TECPR2: variants seen among roughly 807,000 people sequenced by gnomAD.
TECPR2 encodes tectonin beta-propeller repeat containing 2, also known as tectonin beta-propeller repeat-containing protein 2.
TECPR2 carries 65 observed loss-of-function variants against 138.1 expected under a neutral mutation model. That is an observed-to-expected ratio of 0.47 (90% CI 0.39 to 0.58). TECPR2 has a LOEUF of 0.58. Among genes scored for constraint, TECPR2 ranks in the 20% least tolerant of loss-of-function variants. The probability of loss-of-function intolerance (pLI) is 0.00; values close to 1 mark genes in which losing one functional copy is unlikely to be tolerated. For synonymous variants in TECPR2, 746 were observed against 749.8 expected, an observed-to-expected ratio of 0.99 and a Z score of 0.08; for missense variants, 1,553 against 1,824.5, an observed-to-expected ratio of 0.85 and a Z score of 2.71.
In TECPR2 at chr14:102,434,584, G is replaced by A. The variant is rs1004437855; in HGVS notation, c.1767G>A (p.Val589=). ...RELLNGARED[V]GGSDVTGLGD... ...TGCTCAATGGAGCGAGGGAAGATGT[G>A]GGAGGCAGTGATGTCACGGGACTCG... The change falls in exon 9 of 20, where the codon GTG becomes GTA. Residue 589 remains valine (V), a synonymous_variant. Coordinates refer to ENST00000359520, the MANE Select transcript of TECPR2 (RefSeq NM_014844.5). 1 of 1,562,206 alleles carries A rather than the reference G, an allele frequency of 6.4e-7. No individual in the cohort carries two copies.
chr14:102,410,283 G>T lies in TECPR2; in HGVS notation c.480+1664G>T, dbSNP rs1442520941. The stretch of plus-strand genomic sequence containing the variant: ...TATCTGGCTTAATAGAAGATGGCTG[G>T]ATTCTCCCTAATCTCAAGTAATCAG... On this transcript the variant is annotated intron_variant, in intron 4 of 19. Transcript: ENST00000359520. Among the ~76,000 whole-genome samples the T allele has an allele frequency of 2.0e-5, 3 of 149,968 alleles. No homozygotes were observed. The Admixed American group carries it at 2.0e-4, about 10-fold the overall frequency.
At chr14:102,462,693 C>T (rs1890436659) in intron 16 of TECPR2, among the ~76,000 whole-genome samples, 1 of 152,202 alleles carries the variant, frequency 6.6e-6, no homozygotes, top group Admixed American at 6.5e-5. Flanking sequence ...GAGCTGCACA[C>T]CTTTTATTCC....
chr14:102,428,247 CA>C lies in TECPR2; in HGVS notation c.952-2del. ...GTTTTTTTTTTTTTTTTTTTTTTGA[CA>C]GGCCACAGTTGCTGGTTTGGAAGGA... On this transcript the variant is annotated splice_acceptor_variant, in intron 6 of 19. Transcript: ENST00000359520. LOFTEE classifies it high-confidence loss of function. The C allele has an allele frequency of 1.8e-6, 2 of 1,112,842 alleles. No homozygotes were observed. The highest frequency in any genetic ancestry group is 2.3e-6 in the Non-Finnish European group (2 of 854,064). 68.9% of individuals were successfully genotyped at this position (1,112,842 alleles called of 1,614,324 possible). A position where few individuals can be genotyped will look rare whatever the true frequency, so the allele number is the denominator to read the frequency against.
At chr14:102,453,729 G>GT (rs1024604032) in intron 16 of TECPR2, among the ~76,000 whole-genome samples, 4 of 143,806 alleles carry the variant, frequency 2.8e-5, no homozygotes, top group African/African-American at 5.2e-5. Flanking sequence ...AGGCTTCCCA[G>GT]TTTTTTTAAC....
chr14:102,417,053 G>A (rs1199288991), intron 5 of TECPR2, among the ~76,000 whole-genome samples: 2 of 152,302 alleles, frequency 1.3e-5, no homozygotes, highest in East Asian at 3.9e-4. Context: ...GACCCAGGCA[G>A]TTTCTGTAAA....
In TECPR2 at chr14:102,465,156, C is replaced by G; in HGVS notation, c.3656C>G (p.Thr1219Arg). ...TTATCTACAGGAGCTGTAAAATTGA[C>G]AAGCTTGGCATGTGGAAATCAGCAC... ...DLSQLGAVKL[T>R]SLACGNQHIW... is the part of the protein sequence containing the mutation. Residue 1219 changes from threonine (T) to arginine (R), a missense_variant, in exon 17 of 20, where the codon ACA (threonine) becomes AGA (arginine). Thr to Arg is a moderately conservative substitution (Grantham distance 71). Coordinates refer to ENST00000359520, the MANE Select transcript of TECPR2 (RefSeq NM_014844.5). 1.9e-6 allele frequency: 3 copies of G among 1,614,160 alleles called. No homozygotes were observed. Among genetic ancestry groups the G allele is most frequent in the Admixed American group, 1.7e-5 (1 of 60,006 alleles).
chr14:102,400,292 G>A (rs866802997), intron 2 of TECPR2, among the ~76,000 whole-genome samples: 6 of 152,076 alleles, frequency 3.9e-5, no homozygotes, highest in East Asian at 3.9e-4. Context: ...TGATCTGCCC[G>A]CCTTGGCCTC....
chr14:102,369,962 T>G (rs1319466771), intron 1 of TECPR2, among the ~76,000 whole-genome samples: 1 of 151,530 alleles, frequency 6.6e-6, no homozygotes, highest in Non-Finnish European at 1.5e-5. Flanking sequence ...CTCAAAAAAA[T>G]AAATAAACAA....
At chr14:102,367,389 C>T (rs375165347) in intron 1 of TECPR2, among the ~76,000 whole-genome samples, 12 of 152,262 alleles carry the variant, frequency 7.9e-5, no homozygotes, top group African/African-American at 2.6e-4. Context: ...AAGGAAACTC[C>T]GTACCCTTCA....
At chr14:102,387,075 A>G (rs1183398211) in intron 2 of TECPR2, among the ~76,000 whole-genome samples, 1 of 152,216 alleles carries the variant, frequency 6.6e-6, no homozygotes, top group Non-Finnish European at 1.5e-5. Context: ...TAGTTTAGGG[A>G]AAATCTAAGA....
chr14:102,401,193 C>T (rs556660858), intron 2 of TECPR2, among the ~76,000 whole-genome samples: 1 of 151,996 alleles, frequency 6.6e-6, no homozygotes, highest in African/African-American at 2.4e-5. Flanking sequence ...AATCCCAGCA[C>T]TTTGGGAGGC....
At position 102,499,171 on chromosome 14, in the gene TECPR2, G is replaced by C. The variant is rs1160785164; in HGVS notation, c.*914G>C. On this transcript the variant is annotated 3_prime_UTR_variant, in exon 20 of 20. Transcript: ENST00000359520. ...ATGTGTGCACGTGTGTCCCAGGTAG[G>C]GACGGCACAGGAGGGTGCATGGGGC... 1.4e-6 allele frequency: 1 copy of C among 702,948 alleles called. No homozygotes were observed. Among genetic ancestry groups the C allele is most frequent in the Non-Finnish European group, 2.6e-6 (1 of 385,000 alleles). The allele number at this position is 702,948 out of a possible 1,614,324, so 43.5% of individuals were successfully genotyped here.
chr14:102,490,862 A>T (rs1298701983), intron 17 of TECPR2, among the ~76,000 whole-genome samples: 1 of 152,058 alleles, frequency 6.6e-6, no homozygotes, highest in Admixed American at 6.6e-5. Context: ...CTCAGACGAC[A>T]TGTGCTAGTT....
intron 17 of TECPR2, among the ~76,000 whole-genome samples, chr14:102,476,826 G>A (rs1413937046): frequency 6.6e-6 from 1 of 152,082 alleles, no homozygotes; most frequent in Non-Finnish European, 1.5e-5. Context: ...AGGCTGAGGC[G>A]AGCAGATTGC....
In TECPR2 at chr14:102,419,138, C is replaced by G. The variant is rs1889106483; in HGVS notation, c.638+4345C>G. Reference sequence around the variant, plus strand: ...TTGTGTTCTGAAGAGGAAAGGGCATCAGGAGAGAACAGGAGTTGGGGGGTC... The same window carrying G: ...TTGTGTTCTGAAGAGGAAAGGGCATGAGGAGAGAACAGGAGTTGGGGGGTC... On this transcript the variant is annotated intron_variant, in intron 5 of 19. Transcript: ENST00000359520. The surrounding 1 kb of genome is among the most constrained non-coding windows in gnomAD (Gnocchi z 4.8). 6.6e-5 allele frequency among the ~76,000 whole-genome samples: 10 copies of G among 151,938 alleles called. No homozygotes were observed. In the South Asian group the frequency reaches 2.1e-3, roughly 32 times the overall value.
intron 16 of TECPR2, among the ~76,000 whole-genome samples, chr14:102,463,054 G>A (rs1890447146): frequency 6.6e-6 from 1 of 152,204 alleles, no homozygotes; most frequent in African/African-American, 2.4e-5. Flanking sequence ...AGGGGTGCGG[G>A]CAGCCAGAAC....
chr14:102,416,128 C>A (rs1190398612), intron 5 of TECPR2, among the ~76,000 whole-genome samples: 1 of 151,664 alleles, frequency 6.6e-6, no homozygotes, highest in Non-Finnish European at 1.5e-5. Context: ...TTTTCTTTTT[C>A]TTTTTTGTTT....
chr14:102,494,140 C>A (rs544334095), intron 17 of TECPR2, among the ~76,000 whole-genome samples: 1 of 152,324 alleles, frequency 6.6e-6, no homozygotes, highest in African/African-American at 2.4e-5. Context: ...AGAGCCTGTG[C>A]CTGTAACTTG....
At position 102,419,522 on chromosome 14, in the gene TECPR2, G is replaced by A. The variant is rs1387301839; in HGVS notation, c.638+4729G>A. 6.6e-6 allele frequency among the ~76,000 whole-genome samples: 1 copy of A among 152,036 alleles called. No homozygotes were observed. The highest frequency in any genetic ancestry group is 1.5e-5 in the Non-Finnish European group (1 of 67,996). On this transcript the variant is annotated intron_variant, in intron 5 of 19. Transcript: ENST00000359520. This position sits in a 1 kb window ranked among gnomAD's most constrained non-coding sequence, Gnocchi z 4.8. The stretch of plus-strand genomic sequence containing the variant: ...CAGAGTGCAGGCGGTGGCCTCAGTT[G>A]GGCCCTCTCATGGGCAGCAGTGTAG...
Sources: gnomAD v4.1 joint callset for allele counts (sites outside exome capture counted in the v4.1 genomes callset) on GRCh38, gnomAD v4.1.1 for gene constraint, Gnocchi (gnomAD v3.1) non-coding constraint, MANE v1.5 for transcripts, NCBI Gene and HGNC (gene_info 2026-07-23, HGNC 2026-07-21) for gene names.